KAT14: variants seen among roughly 807,000 people sequenced by gnomAD.
KAT14 encodes lysine acetyltransferase 14, also known as cysteine-rich protein 2-binding protein.
KAT14 carries 66 observed loss-of-function variants against 78.4 expected under a neutral mutation model. That is an observed-to-expected ratio of 0.84 (90% CI 0.69 to 1.03). The LOEUF (loss-of-function observed/expected upper bound fraction) is 1.03. KAT14 is among the 50% of genes least tolerant of loss of function. The pLI is 0.00. For synonymous variants in KAT14, 344 were observed against 359.4 expected (o/e 0.96, Z 0.48); for missense variants, 870 against 972.5 (o/e 0.89, Z 1.40).
intron 3 of KAT14, among the ~76,000 whole-genome samples, chr20:18,147,062 T>G (rs2037855700): frequency 6.6e-6 from 1 of 152,184 alleles, no homozygotes; most frequent in Non-Finnish European, 1.5e-5. Context: ...CTTTTTACTT[T>G]GAAGGAAATA....
intron 4 of KAT14, among the ~76,000 whole-genome samples, chr20:18,156,551 A>T (rs1033953533): frequency 6.6e-6 from 1 of 152,172 alleles, no homozygotes; most frequent in African/African-American, 2.4e-5. Context: ...TTTGCTAATG[A>T]TGCTGTAACA....
chr20:18,183,011 A>G (rs1427479545), intron 8 of KAT14, 112 bp from the exon 9 acceptor site: 31 of 1,400,522 alleles, frequency 2.2e-5, no homozygotes, highest in Non-Finnish European at 2.7e-5. Context: ...AAAACAGTGC[A>G]GGTTACTTTA....
intron 5 of KAT14, among the ~76,000 whole-genome samples, chr20:18,160,740 C>A (rs1326170013): frequency 5.3e-5 from 8 of 152,128 alleles, no homozygotes; most frequent in Non-Finnish European, 1.2e-4. Flanking sequence ...AGCCATCATG[C>A]CTGACCTTTT....
intron 10 of KAT14, among the ~76,000 whole-genome samples, 174 bp downstream of exon 10, chr20:18,184,966 C>T (rs192595065): frequency 6.6e-6 from 1 of 152,156 alleles, no homozygotes; most frequent in African/African-American, 2.4e-5. Context: ...AGCACACAGT[C>T]AAAAATCTTC....
At chr20:18,161,611 C>A (rs562023843) in intron 5 of KAT14, among the ~76,000 whole-genome samples, 1 of 152,178 alleles carries the variant, frequency 6.6e-6, no homozygotes, top group South Asian at 2.1e-4. Context: ...AAAAACACTC[C>A]AAAATCTGAA....
At chr20:18,171,235 CTG>C (rs2038833037) in intron 7 of KAT14, among the ~76,000 whole-genome samples, 1 of 152,138 alleles carries the variant, frequency 6.6e-6, no homozygotes, top group African/African-American at 2.4e-5. Flanking sequence ...GAAGAAGTCA[CTG>C]TGGATGTGGA....
At chr20:18,172,308 G>A (rs550829543) in intron 7 of KAT14, among the ~76,000 whole-genome samples, 12 of 151,216 alleles carry the variant, frequency 7.9e-5, no homozygotes, top group African/African-American at 1.7e-4. Context: ...CACCATATTG[G>A]CCAGGCTGGT....
chr20:18,160,949 T>C (rs2038396588), intron 5 of KAT14, among the ~76,000 whole-genome samples: 2 of 151,934 alleles, frequency 1.3e-5, no homozygotes, highest in South Asian at 4.2e-4. Flanking sequence ...CCGAGACAGG[T>C]GGATCATCTG....
At chr20:18,171,550 G>T (rs1007782646) in intron 7 of KAT14, among the ~76,000 whole-genome samples, 1 of 152,202 alleles carries the variant, frequency 6.6e-6, no homozygotes, top group African/African-American at 2.4e-5. Context: ...AGTGGCTCAC[G>T]CCTGTAATCC....
At position 18,146,230 on chromosome 20, in the gene KAT14, A is replaced by T. The variant is rs2037820503; in HGVS notation, c.378+879A>T. ...AATATGAATAATAAGGCATCAGTGT[A>T]TACTTTTTAGTTCAAAAACCAGATG... On this transcript the variant is annotated intron_variant, in intron 3 of 10. Transcript: ENST00000688188. 3.3e-5 allele frequency among the ~76,000 whole-genome samples: 5 copies of T among 152,220 alleles called. No individual in the cohort carries two copies. The South Asian group carries it at 1.0e-3, about 31-fold the overall frequency.
chr20:18,181,609 TC>T, intron 7 of KAT14, 100 bp from the exon 8 acceptor site: 1 of 1,525,638 alleles, frequency 6.6e-7, no homozygotes, highest in Non-Finnish European at 8.9e-7. Flanking sequence ...GACCTTGTGA[TC>T]CGCCTACCTC....
intron 7 of KAT14, among the ~76,000 whole-genome samples, chr20:18,165,675 C>G (rs1284503511): frequency 1.3e-5 from 2 of 152,176 alleles, no homozygotes; most frequent in Non-Finnish European, 2.9e-5. Flanking sequence ...TCCATGAACC[C>G]CTTCTGAGGT....
At position 18,161,941 on chromosome 20, in the gene KAT14, A is replaced by G; in HGVS notation, c.801A>G (p.Ala267=). 6.2e-7 allele frequency: 1 copy of G among 1,614,284 alleles called. No homozygotes were observed. The highest frequency in any genetic ancestry group is 1.7e-5 in the Admixed American group (1 of 60,034). Reference sequence around the variant, plus strand: ...AGAAAAGGTCTCGAACTCAGGAAGCAAAAGACATTAGAAGAGCCCAGAAGG... The same window carrying G: ...AGAAAAGGTCTCGAACTCAGGAAGCGAAAGACATTAGAAGAGCCCAGAAGG... The part of the protein sequence containing the change: ...LKEKRSRTQE[A]KDIRRAQKEA... Residue 267 remains alanine (A), a synonymous_variant, in exon 6 of 11, where the codon GCA becomes GCG. Coordinates refer to ENST00000688188, the MANE Select transcript of KAT14 (RefSeq NM_001392073.1).
chr20:18,152,784 G>T (rs183496193), intron 4 of KAT14, among the ~76,000 whole-genome samples: 1 of 152,182 alleles, frequency 6.6e-6, no homozygotes, highest in African/African-American at 2.4e-5. Flanking sequence ...GCTTAGCAAA[G>T]TCTGGGCACA....
intron 5 of KAT14, among the ~76,000 whole-genome samples, chr20:18,161,441 GAT>G (rs1403307777): frequency 6.6e-6 from 1 of 152,070 alleles, no homozygotes; most frequent in Non-Finnish European, 1.5e-5. Context: ...TTTCTCAAGA[GAT>G]ATCTAAGTCT....
rs928561204 is a variant in KAT14, at chr20:18,182,126, A to T, written c.1805+280A>T. ...CATAATCATTGTTTTATTTATTATTATTATTTTTTTTTTGAGACAGACTCT... is the reference window on the plus strand; with the variant it reads ...CATAATCATTGTTTTATTTATTATTTTTATTTTTTTTTTGAGACAGACTCT... On this transcript the variant is annotated intron_variant, in intron 8 of 10. Transcript: ENST00000688188. Among the ~76,000 whole-genome samples, 110 of 149,318 alleles carry T rather than the reference A, an allele frequency of 7.4e-4. 1 individual carries two copies. Among genetic ancestry groups the T allele is most frequent in the East Asian group, 3.1e-3 (16 of 5,092 alleles).
In KAT14 at chr20:18,187,651, C is replaced by T; in HGVS notation, c.*192C>T. The T allele has an allele frequency of 1.3e-6, 1 of 781,292 alleles. No homozygotes were observed. The highest frequency in any genetic ancestry group is 1.9e-6 in the Non-Finnish European group (1 of 523,152). The allele number at this position is 781,292 out of a possible 1,614,324, so 48.4% of individuals were successfully genotyped here. ...AGCAGCCCTTTAGCAAAATCGCCCT[C>T]CAGTCCTTCCTGGAGATGCCTTCAG... On this transcript the variant is annotated 3_prime_UTR_variant, in exon 11 of 11. Coordinates refer to ENST00000688188, the MANE Select transcript of KAT14 (RefSeq NM_001392073.1).
intron 7 of KAT14, among the ~76,000 whole-genome samples, chr20:18,178,644 G>T (rs12151890): frequency 6.6e-6 from 1 of 151,950 alleles, no homozygotes; most frequent in South Asian, 2.1e-4. Flanking sequence ...AACCGCCCCC[G>T]TGATTCAAAT....
intron 7 of KAT14, among the ~76,000 whole-genome samples, chr20:18,178,674 C>G (rs1274552239): frequency 6.6e-6 from 1 of 152,138 alleles, no homozygotes; most frequent in African/African-American, 2.4e-5. Flanking sequence ...CTGGGTCTCT[C>G]CCACACCATG....
Sources: gnomAD v4.1 joint callset for allele counts (sites outside exome capture counted in the v4.1 genomes callset) on GRCh38, gnomAD v4.1.1 for gene constraint, MANE v1.5 for transcripts, NCBI Gene and HGNC (gene_info 2026-07-23, HGNC 2026-07-21) for gene names.